The following NLGN1 variants were observed in gnomAD, a reference collection of about 807,000 sequenced individuals.
NLGN1 encodes the protein neuroligin-1.
In NLGN1, 12 loss-of-function variants were observed where a neutral mutation model predicts 65.5. The observed-to-expected ratio is 0.18, with a 90% CI of 0.12 to 0.30. NLGN1 has a LOEUF of 0.30. Ranked by LOEUF, NLGN1 falls within the 10% of genes least tolerant of loss-of-function variation. The pLI is 1.00. For synonymous variants in NLGN1, 350 were observed against 359.5 expected (o/e 0.97, Z 0.30); for missense variants, 750 against 1,007.1 (o/e 0.74, Z 3.46).
At chr3:173,864,199 C>A (rs1729676615) in intron 4 of NLGN1, among the ~76,000 whole-genome samples, 1 of 152,072 alleles carries the variant, frequency 6.6e-6, no homozygotes. Flanking sequence ...CATAATATGA[C>A]AGGAAAAATA....
intron 2 of NLGN1, among the ~76,000 whole-genome samples, chr3:173,563,281 T>C (rs1295470627): frequency 6.6e-6 from 1 of 152,152 alleles, no homozygotes; most frequent in Non-Finnish European, 1.5e-5. Flanking sequence ...TTTACGAACA[T>C]AAGAACATTG....
At chr3:174,120,810 G>A (rs564610814) in intron 4 of NLGN1, among the ~76,000 whole-genome samples, 4 of 152,236 alleles carry the variant, frequency 2.6e-5, no homozygotes, top group Non-Finnish European at 5.9e-5. Context: ...CAAAAAGATA[G>A]TTTCTTGGCC....
At chr3:174,215,227 A>G (rs189516499) in intron 4 of NLGN1, among the ~76,000 whole-genome samples, 2 of 152,124 alleles carry the variant, frequency 1.3e-5, no homozygotes, top group East Asian at 3.9e-4. Flanking sequence ...CTTATACTGC[A>G]ATTTATATTT....
chr3:174,280,694 G>A lies in NLGN1; in HGVS notation c.1863G>A (p.Gln621=), dbSNP rs150083726. 6.2e-7 allele frequency: 1 copy of A among 1,613,304 alleles called. No individual in the cohort carries two copies. Among genetic ancestry groups the A allele is most frequent in the East Asian group, 2.2e-5 (1 of 44,810 alleles). The change falls in exon 7 of 7, where the codon CAG becomes CAA. Residue 621 remains glutamine (Q), a synonymous_variant. Coordinates refer to ENST00000457714, the Ensembl canonical transcript of NLGN1. The surrounding 1 kb of genome is among the most constrained non-coding windows in gnomAD (Gnocchi z 4.9). ...TGCATAATCTCAATGACATTTCTCA[G>A]TATACCTCTACAACAACTAAAGTGC...
chr3:173,471,483 T>C (rs721729), intron 2 of NLGN1, among the ~76,000 whole-genome samples: 75,469 of 151,964 alleles, frequency 0.5, 20,845 homozygotes, highest in East Asian at 0.84. Flanking sequence ...TATGTAGCTC[T>C]GTGTCAAAAT....
intron 4 of NLGN1, among the ~76,000 whole-genome samples, chr3:173,913,545 C>T (rs1740078603): frequency 2.0e-5 from 3 of 152,088 alleles, no homozygotes; most frequent in Non-Finnish European, 4.4e-5. Context: ...GATAACAAGG[C>T]ATTGACAGGG....
At chr3:174,272,161 T>G (rs919318613) in intron 4 of NLGN1, among the ~76,000 whole-genome samples, 2 of 151,714 alleles carry the variant, frequency 1.3e-5, no homozygotes, top group Admixed American at 6.6e-5. Flanking sequence ...GGAAAAGCCT[T>G]CTTCTCCAAA....
chr3:174,260,721 G>A (rs1393810247), intron 4 of NLGN1, among the ~76,000 whole-genome samples: 1 of 148,934 alleles, frequency 6.7e-6, no homozygotes, highest in East Asian at 2.1e-4. Context: ...GGCTTTTGTT[G>A]CCATTGCTTT....
intron 4 of NLGN1, among the ~76,000 whole-genome samples, chr3:174,131,826 A>G (rs76391394): frequency 0.026 from 3,977 of 152,276 alleles, 75 homozygotes; most frequent in African/African-American, 0.034. Context: ...AAATTTGTCA[A>G]TGGCTAGAAA....
intron 2 of NLGN1, among the ~76,000 whole-genome samples, chr3:173,503,967 C>T (rs1377047869): frequency 6.6e-6 from 1 of 151,846 alleles, no homozygotes; most frequent in Non-Finnish European, 1.5e-5. Context: ...GAAGAAATAA[C>T]ACATATGAGT....
chr3:174,246,614 T>C (rs1176020665), intron 4 of NLGN1, among the ~76,000 whole-genome samples: 1 of 152,154 alleles, frequency 6.6e-6, no homozygotes, highest in Non-Finnish European at 1.5e-5. Flanking sequence ...AAATGAAGTC[T>C]CACTATGTTG....
At chr3:173,656,423 A>G (rs776413487) in intron 3 of NLGN1, among the ~76,000 whole-genome samples, 10 of 152,144 alleles carry the variant, frequency 6.6e-5, no homozygotes, top group Non-Finnish European at 1.0e-4. Flanking sequence ...GAGCTTTTGC[A>G]AAACATACAG....
chr3:174,000,104 A>G (rs1042741943), intron 4 of NLGN1, among the ~76,000 whole-genome samples: 8 of 152,198 alleles, frequency 5.3e-5, no homozygotes, highest in African/African-American at 1.9e-4. Flanking sequence ...CCAATCTTTG[A>G]TGCAAGACTG....
chr3:173,482,141 G>T (rs1430664377), intron 2 of NLGN1, among the ~76,000 whole-genome samples: 1 of 151,782 alleles, frequency 6.6e-6, no homozygotes, highest in Non-Finnish European at 1.5e-5. Flanking sequence ...CAAGTCAAGT[G>T]GTCCTCCATG....
chr3:173,432,577 C>T (rs1442454846), intron 1 of NLGN1, among the ~76,000 whole-genome samples: 1 of 152,038 alleles, frequency 6.6e-6, no homozygotes, highest in Non-Finnish European at 1.5e-5. Context: ...TCAGGTTATT[C>T]ATTTTTTTAT....
chr3:174,292,011 T>A, the NLGN1 span, among the ~76,000 whole-genome samples: 1 of 151,328 alleles, frequency 6.6e-6, no homozygotes, highest in Non-Finnish European at 1.5e-5. Context: ...AACTGCTTTA[T>A]GTGTAACACA....
At chr3:173,529,660 G>C (rs975457428) in intron 2 of NLGN1, among the ~76,000 whole-genome samples, 2 of 152,174 alleles carry the variant, frequency 1.3e-5, no homozygotes, top group Non-Finnish European at 2.9e-5. Flanking sequence ...GCTGAATGCC[G>C]TGGGAAATGC....
At chr3:173,895,084 G>C (rs571970366) in intron 4 of NLGN1, among the ~76,000 whole-genome samples, 2 of 152,152 alleles carry the variant, frequency 1.3e-5, no homozygotes, top group Admixed American at 6.6e-5. Context: ...GGGAGGGGGG[G>C]AGTTGTTGAT....
chr3:174,248,522 G>C (rs1334168278), intron 4 of NLGN1, among the ~76,000 whole-genome samples: 2 of 152,206 alleles, frequency 1.3e-5, no homozygotes, highest in Non-Finnish European at 2.9e-5. Context: ...CACTTTGGGA[G>C]GCCGAGGCAG....
Sources: gnomAD v4.1 joint callset for allele counts (sites outside exome capture counted in the v4.1 genomes callset) on GRCh38, gnomAD v4.1.1 for gene constraint, Gnocchi (gnomAD v3.1) non-coding constraint, MANE v1.5 for transcripts, NCBI Gene and HGNC (gene_info 2026-07-23, HGNC 2026-07-21) for gene names.